Variants in CHST13 observed in about 807,000 individuals in gnomAD.
The protein encoded by CHST13 is C4ST-3.
In CHST13, 1 loss-of-function variant was observed where a neutral mutation model predicts 7.0. The observed-to-expected ratio is 0.14, with a 90% CI of 0.05 to 0.68. The LOEUF (loss-of-function observed/expected upper bound fraction) is 0.68. Among genes scored for constraint, CHST13 ranks in the 30% least tolerant of loss-of-function variants. The pLI is 0.82. For synonymous variants in CHST13, 257 were observed against 240.9 expected (o/e 1.07, Z -0.62); for missense variants, 572 against 507.9 (o/e 1.13, Z -1.21).
At chr3:126,536,440 G>A in intron 2 of CHST13, 87 bp downstream of exon 2, 2 of 1,017,012 alleles carry the variant, frequency 2.0e-6, no homozygotes, top group South Asian at 1.5e-5. Context: ...GCTGGCATGA[G>A]ACTGGACCCC....
rs1423622454 is a variant in CHST13, at chr3:126,541,972, G to T, written c.420G>T (p.Ala140=). 5 of 1,577,968 alleles carry T rather than the reference G, an allele frequency of 3.2e-6. No homozygotes were observed. The highest frequency in any genetic ancestry group is 1.8e-5 in the Admixed American group (1 of 56,048). Reference sequence around the variant, plus strand: ...GCGGCGACCCGCGCGCCATCTCCGCGCAAGAGGCGCACGCGCCTGGCCGCC... The same window carrying T: ...GCGGCGACCCGCGCGCCATCTCCGCTCAAGAGGCGCACGCGCCTGGCCGCC... ...QARGDPRAIS[A]QEAHAPGRLP... Residue 140 remains alanine, a synonymous_variant, in exon 3 of 3, where the codon GCG becomes GCT. Transcript: ENST00000319340.
At chr3:126,539,130 T>C (rs1936866203) in intron 2 of CHST13, among the ~76,000 whole-genome samples, 1 of 152,048 alleles carries the variant, frequency 6.6e-6, no homozygotes, top group Non-Finnish European at 1.5e-5. Flanking sequence ...AATTCAAGCA[T>C]ATGCAAGAAG....
In CHST13 at chr3:126,536,344, C is replaced by G; in HGVS notation, c.171C>G (p.Asp57Glu). 6.2e-7 allele frequency: 1 copy of G among 1,613,646 alleles called. No homozygotes were observed. The highest frequency in any genetic ancestry group is 2.2e-5 in the East Asian group (1 of 44,870). ...EKRSPLQKLY[D>E]LDQDPRSTLA... is the part of the protein sequence containing the mutation. ...GAAGCCCCCTGCAGAAGCTCTATGA[C>G]CTGGATCAGGTAGGTGGACAGACCC... is the stretch of plus-strand genomic sequence containing the variant. The change falls in exon 2 of 3, where the codon GAC (aspartate) becomes GAG (glutamate). Residue 57 changes from aspartate to glutamate, a missense_variant. Transcript: ENST00000319340.
intron 1 of CHST13, among the ~76,000 whole-genome samples, chr3:126,524,862 T>C (rs1309538757): frequency 6.6e-6 from 1 of 152,188 alleles, no homozygotes; most frequent in East Asian, 1.9e-4. Context: ...TTGGTTGTCC[T>C]ACTGTGCAGT....
At position 126,542,554 on chromosome 3, in the gene CHST13, C is replaced by G; in HGVS notation, c.1002C>G (p.Ala334=). 2 of 1,510,172 alleles carry G rather than the reference C, an allele frequency of 1.3e-6. No homozygotes were observed. Among genetic ancestry groups the G allele is most frequent in the South Asian group, 2.6e-5 (2 of 75,806 alleles). 93.5% of individuals were successfully genotyped at this position (1,510,172 alleles called of 1,614,324 possible). A position where few individuals can be genotyped will look rare whatever the true frequency, so the allele number is the denominator to read the frequency against. Residue 334 remains alanine (A), a synonymous_variant, in exon 3 of 3, where the codon GCC becomes GCG. Coordinates refer to ENST00000319340, the MANE Select transcript of CHST13 (RefSeq NM_152889.3). ...ACTTCCTGCTTTTCAACTACTCCGC[C>G]CCCTCCTACCTGCGGCTGCTCTAGC... is the stretch of plus-strand genomic sequence containing the variant. The part of the protein sequence containing the change: ...KMDFLLFNYS[A]PSYLRLL
intron 2 of CHST13, among the ~76,000 whole-genome samples, 168 bp from the exon 3 acceptor site, chr3:126,541,565 C>T (rs1936956468): frequency 2.0e-5 from 3 of 152,206 alleles, no homozygotes; most frequent in South Asian, 2.1e-4. Context: ...GACAGATGCC[C>T]GGGCCCTAAA....
chr3:126,538,460 C>A (rs533748706), intron 2 of CHST13, among the ~76,000 whole-genome samples: 2 of 152,218 alleles, frequency 1.3e-5, no homozygotes, highest in Non-Finnish European at 2.9e-5. Flanking sequence ...AGGCCACATT[C>A]CCCCCGAACC....
chr3:126,531,040 C>G (rs372641372), intron 1 of CHST13, among the ~76,000 whole-genome samples: 2 of 152,278 alleles, frequency 1.3e-5, no homozygotes, highest in East Asian at 1.9e-4. Context: ...GTGCAAGGCC[C>G]GTCCAGCTGC....
intron 1 of CHST13, among the ~76,000 whole-genome samples, chr3:126,528,083 C>A (rs1936572659): frequency 6.6e-6 from 1 of 151,078 alleles, no homozygotes; most frequent in Admixed American, 6.6e-5. Flanking sequence ...GAAGGAATGG[C>A]ACAGAGAAAA....
intron 1 of CHST13, among the ~76,000 whole-genome samples, chr3:126,532,453 T>C (rs1219280887): frequency 6.6e-6 from 1 of 152,210 alleles, no homozygotes; most frequent in East Asian, 1.9e-4. Context: ...GTATGTGGTA[T>C]GAAGATGGGG....
Position 126,543,285 on chromosome 3 carries a change from T to C in CHST13, c.*707T>C, listed in dbSNP as rs988675562. On this transcript the variant is annotated 3_prime_UTR_variant, in exon 3 of 3. Coordinates refer to ENST00000319340, the MANE Select transcript of CHST13 (RefSeq NM_152889.3). ...TTTTGAAATAAATGTATTTTGTTAC[T>C]TTCTGATTTTTTGGAGTTTATCTGC... The C allele has an allele frequency of 3.9e-5, 6 of 152,284 alleles. No individual in the cohort carries two copies. Among genetic ancestry groups the C allele is most frequent in the African/African-American group, 1.4e-4 (6 of 41,468 alleles). The allele number at this position is 152,284 out of a possible 1,614,324, so 9.4% of individuals were successfully genotyped here. A position where few individuals can be genotyped will look rare whatever the true frequency, so the allele number is the denominator to read the frequency against.
intron 1 of CHST13, 80 bp from the exon 2 acceptor site, chr3:126,536,191 C>A: frequency 1.7e-6 from 2 of 1,209,522 alleles, no homozygotes; most frequent in Non-Finnish European, 2.4e-6. Flanking sequence ...GTCAAATGTG[C>A]CTAGATGGGT....
At chr3:126,540,306 C>T (rs1936931436) in intron 2 of CHST13, among the ~76,000 whole-genome samples, 1 of 152,190 alleles carries the variant, frequency 6.6e-6, no homozygotes, top group African/African-American at 2.4e-5. Context: ...ACTATCACCG[C>T]TGTCTAATTT....
At position 126,542,099 on chromosome 3, in the gene CHST13, G is replaced by C. The variant is rs766162020; in HGVS notation, c.547G>C (p.Ala183Pro). 1.3e-6 allele frequency: 2 copies of C among 1,582,200 alleles called. No individual in the cohort carries two copies. Among genetic ancestry groups the C allele is most frequent in the South Asian group, 2.2e-5 (2 of 89,488 alleles). The change falls in exon 3 of 3, where the codon GCT becomes CCT. Residue 183 changes from alanine (A) to proline (P), a missense_variant. Physicochemically the swap from Ala to Pro is conservative, Grantham distance 27 (BLOSUM62 -1). Transcript: ENST00000319340. ...VREPFERLASAYRNKLARPYS... is the reference protein window; with the variant it reads ...VREPFERLASPYRNKLARPYS... ...GGAGCCCTTCGAGCGCCTGGCATCG[G>C]CTTACCGCAACAAGCTCGCGCGCCC...
chr3:126,541,762 C>T lies in CHST13; in HGVS notation c.210C>T (p.His70=), dbSNP rs927454191. The T allele has an allele frequency of 7.3e-6, 11 of 1,510,832 alleles. No individual in the cohort carries two copies. The highest frequency in any genetic ancestry group is 9.7e-6 in the Non-Finnish European group (11 of 1,131,280). The allele number at this position is 1,510,832 out of a possible 1,614,324, so 93.6% of individuals were successfully genotyped here. The change falls in exon 3 of 3, where the codon CAC becomes CAT. Residue 70 remains histidine, a synonymous_variant. Coordinates refer to ENST00000319340, the MANE Select transcript of CHST13 (RefSeq NM_152889.3). Reference sequence around the variant, plus strand: ...CGCGCTCGACCCTGGCGAAGGTGCACCGGCAGCGGCGCGACCTGCTGAACA... The same window carrying T: ...CGCGCTCGACCCTGGCGAAGGTGCATCGGCAGCGGCGCGACCTGCTGAACA... ...QDPRSTLAKV[H]RQRRDLLNSA...
intron 1 of CHST13, among the ~76,000 whole-genome samples, chr3:126,525,941 A>G (rs1255022831): frequency 6.6e-6 from 1 of 152,146 alleles, no homozygotes; most frequent in Non-Finnish European, 1.5e-5. Flanking sequence ...GAGCCTGGGA[A>G]GAGACAGCAG....
chr3:126,531,721 AT>A (rs1387418931), intron 1 of CHST13, among the ~76,000 whole-genome samples: 3 of 152,134 alleles, frequency 2.0e-5, no homozygotes, highest in Admixed American at 2.0e-4. Flanking sequence ...CAGCTGATGG[AT>A]TTGGGTTGTT....
At chr3:126,540,277 AT>A (rs1321480795) in intron 2 of CHST13, among the ~76,000 whole-genome samples, 3 of 152,144 alleles carry the variant, frequency 2.0e-5, no homozygotes, top group Non-Finnish European at 2.9e-5. Context: ...GGTTTGCAGC[AT>A]TTTTATAAGG....
intron 1 of CHST13, among the ~76,000 whole-genome samples, chr3:126,528,709 T>G (rs1936585437): frequency 6.6e-6 from 1 of 152,152 alleles, no homozygotes; most frequent in African/African-American, 2.4e-5. Context: ...CTGGGCAGAC[T>G]GGGGTTCCAT....
Sources: allele counts gnomAD v4.1 joint callset (sites outside exome capture counted in the v4.1 genomes callset), GRCh38; gene constraint gnomAD v4.1.1; transcripts MANE v1.5; gene names NCBI Gene and HGNC (gene_info 2026-07-23, HGNC 2026-07-21).